The following ADD2 variants were observed in gnomAD, a reference collection of about 807,000 sequenced individuals.
The protein encoded by ADD2 is adducin 2, also known as beta-adducin.
A neutral mutation model predicts 83.0 loss-of-function variants in ADD2; 23 were observed. The observed-to-expected ratio is 0.28, with a 90% CI of 0.20 to 0.39. The LOEUF is 0.39. Ranked by LOEUF, ADD2 falls within the 10% of genes least tolerant of loss-of-function variation. ADD2 has a pLI of 1.00. For missense variants in ADD2, 758 were observed against 944.9 expected (o/e 0.80, Z 2.59); for synonymous variants, 375 against 375.4 (o/e 1.00, Z 0.01).
At chr2:70,666,606 C>T (rs957528111) in intron 15 of ADD2, among the ~76,000 whole-genome samples, 1 of 152,228 alleles carries the variant, frequency 6.6e-6, no homozygotes, top group Non-Finnish European at 1.5e-5. Flanking sequence ...ATAAGAGGGG[C>T]TCCCACTTTC....
chr2:70,705,844 G>A (rs1239116565), intron 3 of ADD2, among the ~76,000 whole-genome samples: 1 of 152,128 alleles, frequency 6.6e-6, no homozygotes, highest in Non-Finnish European at 1.5e-5. Context: ...TTCAGTAAAG[G>A]GAGCCCCAAG....
rs114745221 is a variant in ADD2, at chr2:70,689,129, A to C, written c.850-1007T>G. On this transcript the variant is annotated intron_variant, in intron 8 of 15. Transcript: ENST00000264436. ...ACCAAAAACGGAAAGTCTCTCAGCT[A>C]ATTAGGGGAAGCATCTGAACTAGAA... 2.2e-3 allele frequency among the ~76,000 whole-genome samples: 332 copies of C among 152,248 alleles called. 1 individual carries two copies. The highest frequency in any genetic ancestry group is 7.4e-3 in the African/African-American group (307 of 41,562).
intron 1 of ADD2, among the ~76,000 whole-genome samples, chr2:70,726,819 C>A (rs1482523861): frequency 6.6e-6 from 1 of 152,250 alleles, no homozygotes; most frequent in East Asian, 1.9e-4. Context: ...CTAAAACAGC[C>A]TATGTCAAGA....
At chr2:70,665,438 C>T (rs1312312157) in intron 15 of ADD2, among the ~76,000 whole-genome samples, 1 of 152,208 alleles carries the variant, frequency 6.6e-6, no homozygotes, top group Non-Finnish European at 1.5e-5. Flanking sequence ...TCATCCTCAT[C>T]CAGTGTCCCA....
At chr2:70,745,290 T>TA (rs1160438731) in intron 1 of ADD2, among the ~76,000 whole-genome samples, 38 of 146,748 alleles carry the variant, frequency 2.6e-4, no homozygotes, top group Middle Eastern at 3.5e-3. Context: ...CGTCTCAAAA[T>TA]AAAAAAAAAA....
In ADD2 at chr2:70,663,233, G is replaced by T; in HGVS notation, c.*192C>A. ...TGCCGCTAACTAGCTGTGTGACCTT[G>T]GGCAAGTCACCTGATTTCTCTTGGG... On this transcript the variant is annotated 3_prime_UTR_variant, in exon 16 of 16. Transcript: ENST00000264436. 2 of 631,676 alleles carry T rather than the reference G, an allele frequency of 3.2e-6. No homozygotes were observed. The highest frequency in any genetic ancestry group is 5.4e-6 in the Non-Finnish European group (2 of 369,946). The allele number at this position is 631,676 out of a possible 1,614,324, so 39.1% of individuals were successfully genotyped here. A position where few individuals can be genotyped will look rare whatever the true frequency, so the allele number is the denominator to read the frequency against.
chr2:70,716,006 T>G (rs3771450), intron 1 of ADD2, among the ~76,000 whole-genome samples: 97,832 of 152,032 alleles, frequency 0.64, 33,656 homozygotes, highest in African/African-American at 0.88. Flanking sequence ...CTGTCTCTAG[T>G]GGCCGTGTTC....
At chr2:70,708,084 G>A (rs1351646513) in intron 2 of ADD2, among the ~76,000 whole-genome samples, 1 of 152,176 alleles carries the variant, frequency 6.6e-6, no homozygotes, top group Non-Finnish European at 1.5e-5. Context: ...CATTCTACCA[G>A]AACTCCACAC....
At chr2:70,683,045 CAG>C (rs1236204916) in intron 10 of ADD2, among the ~76,000 whole-genome samples, 3 of 122,778 alleles carry the variant, frequency 2.4e-5, no homozygotes, top group Admixed American at 9.8e-5. Context: ...TTTTTTGAGA[CAG>C]AGTCTCACTC....
intron 2 of ADD2, among the ~76,000 whole-genome samples, chr2:70,707,598 GC>G (rs1671969048): frequency 1.3e-5 from 2 of 152,252 alleles, no homozygotes; most frequent in Admixed American, 1.3e-4. Context: ...GCACTGCAAG[GC>G]CTTCAAATCG....
intron 10 of ADD2, among the ~76,000 whole-genome samples, chr2:70,682,237 A>T (rs781887137): frequency 6.6e-5 from 10 of 152,228 alleles, no homozygotes; most frequent in Non-Finnish European, 1.5e-4. Context: ...TACAATTATT[A>T]TGGCTTAGTA....
At chr2:70,675,164 G>A (rs1670069267) in intron 13 of ADD2, 3 of 1,029,052 alleles carry the variant, frequency 2.9e-6, no homozygotes, top group Admixed American at 5.3e-5. Flanking sequence ...AATACAGTTG[G>A]TGGCCCAAAG....
At position 70,676,598 on chromosome 2, in the gene ADD2, G is replaced by T; in HGVS notation, c.1593+198C>A. On this transcript the variant is annotated intron_variant, in intron 13 of 15. Coordinates refer to ENST00000264436, the MANE Select transcript of ADD2 (RefSeq NM_001617.4). This position sits in a 1 kb window ranked among gnomAD's most constrained non-coding sequence, Gnocchi z 4.8. ...GTTCTCCAGCCCAGTGCCCACAGGG[G>T]CCATCAGACATTGTCCTCCCTGGTC... The T allele has an allele frequency of 2.1e-6, 3 of 1,438,166 alleles. No homozygotes were observed. Among genetic ancestry groups the T allele is most frequent in the East Asian group, 5.1e-5 (2 of 39,432 alleles). 89.1% of individuals were successfully genotyped at this position (1,438,166 alleles called of 1,614,324 possible). A position where few individuals can be genotyped will look rare whatever the true frequency, so the allele number is the denominator to read the frequency against.
chr2:70,764,621 G>T (rs1675286815), intron 1 of ADD2, among the ~76,000 whole-genome samples: 1 of 151,940 alleles, frequency 6.6e-6, no homozygotes, highest in Non-Finnish European at 1.5e-5. Flanking sequence ...AATTATTTAT[G>T]ATTATCACTG....
chr2:70,709,699 T>A (rs180713763), intron 2 of ADD2, among the ~76,000 whole-genome samples: 1 of 152,340 alleles, frequency 6.6e-6, no homozygotes, highest in East Asian at 1.9e-4. Flanking sequence ...GGCGGAAGCA[T>A]GGAGGATCTG....
At chr2:70,672,803 G>A (rs1553367336) in intron 15 of ADD2, 75 bp downstream of exon 15, 1 of 1,489,514 alleles carries the variant, frequency 6.7e-7, no homozygotes, top group Non-Finnish European at 9.0e-7. Context: ...GGCAACACGA[G>A]TGGAAGGCAG....
chr2:70,759,019 T>C (rs546770212), intron 1 of ADD2, among the ~76,000 whole-genome samples: 2 of 152,130 alleles, frequency 1.3e-5, no homozygotes, highest in Non-Finnish European at 2.9e-5. Flanking sequence ...TTGTCATCAA[T>C]TCAGGGAGCC....
intron 4 of ADD2, among the ~76,000 whole-genome samples, chr2:70,700,581 T>G (rs1436234029): frequency 1.3e-5 from 2 of 152,126 alleles, no homozygotes; most frequent in South Asian, 4.2e-4. Flanking sequence ...AAAGGATTAA[T>G]GAATATAGAA....
intron 15 of ADD2, among the ~76,000 whole-genome samples, chr2:70,665,917 G>A (rs1380143137): frequency 6.6e-6 from 1 of 151,060 alleles, no homozygotes; most frequent in African/African-American, 2.4e-5. Flanking sequence ...CTAGGTTCAA[G>A]CAATTCTCCT....
Sources: allele counts gnomAD v4.1 joint callset (sites outside exome capture counted in the v4.1 genomes callset), GRCh38; gene constraint gnomAD v4.1.1; non-coding constraint Gnocchi (gnomAD v3.1); transcripts MANE v1.5; gene names NCBI Gene and HGNC (gene_info 2026-07-23, HGNC 2026-07-21).